AGBL4: variants seen among roughly 807,000 people sequenced by gnomAD.
The protein encoded by AGBL4 is cytosolic carboxypeptidase 6.
AGBL4 carries 58 observed loss-of-function variants against 66.4 expected under a neutral mutation model. The ratio of observed to expected loss-of-function variants is 0.87; its 90% CI spans 0.71 to 1.09. The LOEUF is 1.09. Among genes scored for constraint, AGBL4 ranks in the 50% least tolerant of loss-of-function variants. The pLI is 0.00. For synonymous variants in AGBL4, 234 were observed against 222.9 expected (o/e 1.05, Z -0.44); for missense variants, 579 against 631.0 (o/e 0.92, Z 0.88).
intron 5 of AGBL4, among the ~76,000 whole-genome samples, chr1:49,004,176 C>T (rs565816099): frequency 3.5e-4 from 53 of 152,326 alleles, no homozygotes; most frequent in African/African-American, 1.2e-3. Context: ...AAAATGAGAG[C>T]TTTCTTGGCA....
intron 6 of AGBL4, among the ~76,000 whole-genome samples, chr1:48,666,249 C>A (rs1646185913): frequency 6.6e-6 from 1 of 152,042 alleles, no homozygotes; most frequent in African/African-American, 2.4e-5. Flanking sequence ...GTCACCAAAT[C>A]TCCAGACTCT....
At chr1:50,017,885 A>T (rs954900218) in intron 1 of AGBL4, among the ~76,000 whole-genome samples, 26 of 152,194 alleles carry the variant, frequency 1.7e-4, no homozygotes, top group African/African-American at 6.0e-4. Context: ...TGAGCCTAAA[A>T]TAAAAGTTGA....
chr1:48,604,085 T>G (rs761318042), intron 9 of AGBL4, among the ~76,000 whole-genome samples: 3 of 151,854 alleles, frequency 2.0e-5, no homozygotes, highest in Admixed American at 2.0e-4. Flanking sequence ...GTGAGCCGAG[T>G]TGGCACCACC....
chr1:49,673,783 C>T (rs1205604426), intron 3 of AGBL4, among the ~76,000 whole-genome samples: 1 of 151,616 alleles, frequency 6.6e-6, no homozygotes, highest in African/African-American at 2.4e-5. Flanking sequence ...GCTCACAGAT[C>T]AGTGAGAAAG....
At chr1:49,163,622 C>G (rs1266083457) in intron 4 of AGBL4, among the ~76,000 whole-genome samples, 2 of 152,122 alleles carry the variant, frequency 1.3e-5, no homozygotes, top group Non-Finnish European at 2.9e-5. Flanking sequence ...GGTAATTATT[C>G]TCAATAAACG....
chr1:49,672,194 T>C (rs1032512798), intron 3 of AGBL4, among the ~76,000 whole-genome samples: 1 of 152,152 alleles, frequency 6.6e-6, no homozygotes, highest in Non-Finnish European at 1.5e-5. Flanking sequence ...AGAACATGGA[T>C]GGAGTGGGAG....
intron 2 of AGBL4, among the ~76,000 whole-genome samples, chr1:49,768,609 C>G (rs1643962117): frequency 6.6e-6 from 1 of 152,068 alleles, no homozygotes; most frequent in South Asian, 2.1e-4. Context: ...CCCTTGAGAA[C>G]CAGAATGCGA....
chr1:49,061,545 A>G (rs2374911), intron 4 of AGBL4, among the ~76,000 whole-genome samples: 24 of 152,296 alleles, frequency 1.6e-4, no homozygotes, highest in African/African-American at 5.1e-4. Context: ...TGTCTAATAC[A>G]GAGAAAGGAA....
At chr1:49,418,806 C>T (rs116367365) in intron 3 of AGBL4, among the ~76,000 whole-genome samples, 10 of 152,314 alleles carry the variant, frequency 6.6e-5, no homozygotes, top group African/African-American at 2.2e-4. Flanking sequence ...AGTTCATTAA[C>T]GGCATGGTAG....
chr1:49,197,564 C>A (rs927894845), intron 4 of AGBL4, among the ~76,000 whole-genome samples: 6 of 152,156 alleles, frequency 3.9e-5, no homozygotes, highest in African/African-American at 7.2e-5. Context: ...TGGGCGGGAA[C>A]AGGTATTGCT....
chr1:49,076,242 A>G (rs1442585790), intron 4 of AGBL4, among the ~76,000 whole-genome samples: 1 of 152,216 alleles, frequency 6.6e-6, no homozygotes, highest in African/African-American at 2.4e-5. Context: ...CAAAAATTGC[A>G]GACGCTCAAG....
intron 11 of AGBL4, among the ~76,000 whole-genome samples, chr1:48,566,470 T>C (rs1291456702): frequency 6.6e-6 from 1 of 152,248 alleles, no homozygotes; most frequent in Non-Finnish European, 1.5e-5. Flanking sequence ...TCTAATGTAG[T>C]CAAGTTCAGA....
chr1:48,713,989 G>A (rs1173419520), intron 6 of AGBL4, among the ~76,000 whole-genome samples: 1 of 152,164 alleles, frequency 6.6e-6, no homozygotes, highest in African/African-American at 2.4e-5. Flanking sequence ...TGCTCATAAT[G>A]GAAGTACGAC....
intron 6 of AGBL4, among the ~76,000 whole-genome samples, chr1:48,739,280 C>T (rs536440645): frequency 1.3e-5 from 2 of 152,200 alleles, no homozygotes; most frequent in Non-Finnish European, 2.9e-5. Context: ...CCCTAAAATA[C>T]CTCCTTCCTT....
chr1:48,922,941 A>T (rs1654217251), intron 5 of AGBL4, among the ~76,000 whole-genome samples: 1 of 151,372 alleles, frequency 6.6e-6, no homozygotes, highest in Admixed American at 6.6e-5. Context: ...ATATACATAC[A>T]TATGCAAATA....
At chr1:49,925,562 T>A (rs1230295992) in intron 1 of AGBL4, among the ~76,000 whole-genome samples, 2 of 152,088 alleles carry the variant, frequency 1.3e-5, no homozygotes, top group Non-Finnish European at 2.9e-5. Context: ...GGACAGGGCA[T>A]CAGGTGGACT....
At chr1:49,566,992 G>A (rs1644222916) in intron 3 of AGBL4, among the ~76,000 whole-genome samples, 1 of 152,210 alleles carries the variant, frequency 6.6e-6, no homozygotes, top group South Asian at 2.1e-4. Context: ...ACTCAAGCCT[G>A]GACAATGGCA....
chr1:48,824,816 G>A (rs1410799645), intron 6 of AGBL4, among the ~76,000 whole-genome samples: 1 of 152,208 alleles, frequency 6.6e-6, no homozygotes, highest in African/African-American at 2.4e-5. Flanking sequence ...GGGCAAGCGA[G>A]GAAGCAGATG....
intron 3 of AGBL4, among the ~76,000 whole-genome samples, chr1:49,510,474 T>C (rs1164928034): frequency 1.3e-5 from 2 of 150,652 alleles, no homozygotes; most frequent in African/African-American, 4.9e-5. Flanking sequence ...TTGTAGATTC[T>C]GGATATTAGC....
Sources: gnomAD v4.1 joint callset for allele counts (sites outside exome capture counted in the v4.1 genomes callset) on GRCh38, gnomAD v4.1.1 for gene constraint, MANE v1.5 for transcripts, NCBI Gene and HGNC (gene_info 2026-07-23, HGNC 2026-07-21) for gene names.